GADL1: variants seen among roughly 807,000 people sequenced by gnomAD.
GADL1 encodes the protein GAD like acidic amino acid decarboxylase 1.
In GADL1, 71 loss-of-function variants were observed where a neutral mutation model predicts 69.5. That is an observed-to-expected ratio of 1.02 (90% confidence interval 0.84 to 1.25). The LOEUF (loss-of-function observed/expected upper bound fraction) is 1.25. Among genes scored for constraint, GADL1 ranks in the 50% most tolerant of loss-of-function variants. The pLI, the probability that GADL1 is intolerant of heterozygous loss-of-function variation, is 0.00. For synonymous variants in GADL1, 254 were observed against 214.4 expected, an observed-to-expected ratio of 1.18 and a Z score of -1.62; for missense variants, 737 against 631.8, an observed-to-expected ratio of 1.17 and a Z score of -1.79.
chr3:30,883,353 T>C (rs1698666727), intron 1 of GADL1, among the ~76,000 whole-genome samples: 1 of 152,050 alleles, frequency 6.6e-6, no homozygotes, highest in Non-Finnish European at 1.5e-5. Context: ...TCCAATCTTA[T>C]TCTTTTGCAT....
At chr3:30,802,966 A>C (rs1479707145) in intron 11 of GADL1, among the ~76,000 whole-genome samples, 1 of 152,152 alleles carries the variant, frequency 6.6e-6, no homozygotes, top group Admixed American at 6.5e-5. Flanking sequence ...GCATGGTGGC[A>C]TGTGCCTGTG....
chr3:30,769,638 C>T (rs1696371107), intron 14 of GADL1, among the ~76,000 whole-genome samples: 1 of 152,160 alleles, frequency 6.6e-6, no homozygotes, highest in Non-Finnish European at 1.5e-5. Context: ...CCAGAGGCCC[C>T]ATCTAGTTCT....
intron 1 of GADL1, among the ~76,000 whole-genome samples, chr3:30,864,941 C>T (rs567274937): frequency 6.8e-4 from 104 of 152,072 alleles, no homozygotes; most frequent in African/African-American, 2.4e-3. Context: ...GTACCTCCTA[C>T]GTTCCCTTGA....
At chr3:30,743,586 A>G (rs1216048558) in intron 14 of GADL1, among the ~76,000 whole-genome samples, 16 of 152,188 alleles carry the variant, frequency 1.1e-4, no homozygotes, top group Admixed American at 9.8e-4. Context: ...GCCCATCCAG[A>G]GGAGTGGGCT....
chr3:30,855,907 T>TG (rs1698224540), intron 3 of GADL1, among the ~76,000 whole-genome samples: 1 of 143,614 alleles, frequency 7.0e-6, no homozygotes, highest in Non-Finnish European at 1.5e-5. Context: ...AGCTTAAACA[T>TG]GGAAAACTTC....
chr3:30,748,749 G>A (rs187691327), intron 14 of GADL1, among the ~76,000 whole-genome samples: 12 of 152,284 alleles, frequency 7.9e-5, no homozygotes, highest in Middle Eastern at 3.4e-3. Flanking sequence ...AATAACTAGA[G>A]GTGGCAGCTA....
chr3:30,814,098 T>C (rs1352557949), intron 11 of GADL1, among the ~76,000 whole-genome samples: 1 of 152,210 alleles, frequency 6.6e-6, no homozygotes, highest in African/African-American at 2.4e-5. Context: ...GTTTGAACAT[T>C]ATCTCATTTA....
chr3:30,814,548 C>T (rs564252794), intron 11 of GADL1, among the ~76,000 whole-genome samples: 1 of 152,154 alleles, frequency 6.6e-6, no homozygotes, highest in South Asian at 2.1e-4. Flanking sequence ...ATGAGCATGC[C>T]TGTGTTCTAC....
intron 14 of GADL1, among the ~76,000 whole-genome samples, chr3:30,754,974 A>G (rs1312238184): frequency 6.6e-6 from 1 of 152,032 alleles, no homozygotes; most frequent in African/African-American, 2.4e-5. Flanking sequence ...GAAGCAGACC[A>G]AAACGGGGGA....
At chr3:30,824,157 G>A (rs1258259161) in intron 11 of GADL1, among the ~76,000 whole-genome samples, 1 of 151,658 alleles carries the variant, frequency 6.6e-6, no homozygotes, top group African/African-American at 2.4e-5. Context: ...TTGTTAAATA[G>A]TAGAAATATT....
At chr3:30,761,017 T>C (rs1696114651) in intron 14 of GADL1, among the ~76,000 whole-genome samples, 1 of 151,576 alleles carries the variant, frequency 6.6e-6, no homozygotes, top group Non-Finnish European at 1.5e-5. Flanking sequence ...AAATTTACCA[T>C]GCAGAACACA....
chr3:30,795,186 T>TGA (rs1433056846), intron 12 of GADL1, among the ~76,000 whole-genome samples: 1 of 152,136 alleles, frequency 6.6e-6, no homozygotes, highest in Admixed American at 6.6e-5. Context: ...CAACCATGGG[T>TGA]GAAATGCTTT....
At chr3:30,804,368 TCTG>T (rs1697217489) in intron 11 of GADL1, among the ~76,000 whole-genome samples, 2 of 152,148 alleles carry the variant, frequency 1.3e-5, no homozygotes, top group East Asian at 1.9e-4. Flanking sequence ...AGAGACAACT[TCTG>T]CTGGTGGTGC....
At chr3:30,799,592 T>C (rs1195167311) in intron 12 of GADL1, 3 of 152,234 alleles carry the variant, frequency 2.0e-5, no homozygotes, top group Non-Finnish European at 4.4e-5. Flanking sequence ...TTGAGGATTA[T>C]CATTCAGCTC....
intron 1 of GADL1, among the ~76,000 whole-genome samples, chr3:30,886,218 A>C (rs1164519639): frequency 2.0e-5 from 3 of 152,150 alleles, no homozygotes; most frequent in Non-Finnish European, 4.4e-5. Context: ...GCCTAATAAG[A>C]AGCCCAATAG....
chr3:30,832,517 C>T (rs541793749), intron 11 of GADL1, among the ~76,000 whole-genome samples: 1 of 152,026 alleles, frequency 6.6e-6, no homozygotes, highest in East Asian at 1.9e-4. Context: ...CTAAGTTCTC[C>T]ACTCCTTAGC....
chr3:30,823,835 G>A (rs368515630), intron 11 of GADL1, among the ~76,000 whole-genome samples: 1 of 151,880 alleles, frequency 6.6e-6, no homozygotes, highest in South Asian at 2.1e-4. Context: ...AAATTATAAA[G>A]CTAGAAAGAC....
At chr3:30,825,515 A>G (rs979084170) in intron 11 of GADL1, among the ~76,000 whole-genome samples, 6 of 151,982 alleles carry the variant, frequency 3.9e-5, no homozygotes, top group African/African-American at 1.4e-4. Context: ...AATTAGAATT[A>G]TCAGGTATGT....
At chr3:30,791,566 A>G (rs1233212189) in intron 12 of GADL1, among the ~76,000 whole-genome samples, 1 of 152,190 alleles carries the variant, frequency 6.6e-6, no homozygotes, top group African/African-American at 2.4e-5. Flanking sequence ...AACTGGCTAA[A>G]TGTGCTCCTA....
Sources: gnomAD v4.1 joint callset for allele counts (sites outside exome capture counted in the v4.1 genomes callset) on GRCh38, gnomAD v4.1.1 for gene constraint, MANE v1.5 for transcripts, NCBI Gene and HGNC (gene_info 2026-07-23, HGNC 2026-07-21) for gene names.